The following ANOS1 variants were observed in gnomAD, a reference collection of about 807,000 sequenced individuals.
ANOS1 encodes the protein anosmin 1.
In ANOS1, 6 loss-of-function variants were observed where a neutral mutation model predicts 59.0. The ratio of observed to expected loss-of-function variants is 0.10; its 90% CI spans 0.06 to 0.20. The LOEUF (loss-of-function observed/expected upper bound fraction) is 0.20, where lower values mean the gene tolerates loss of function less well. ANOS1 is among the 10% of genes least tolerant of loss of function. The pLI is 1.00. For synonymous variants in ANOS1, 217 were observed against 223.4 expected (o/e 0.97, Z 0.25); for missense variants, 433 against 542.3 (o/e 0.80, Z 2.00).
rs540862934 is a variant in ANOS1, at chrX:8,656,140, C to G, written c.256-32470G>C. ...AATTTTTATGCCTACAATATCTGACCCAGCCACTACCTGCACATCTCCACT... is the reference window on the plus strand; with the variant it reads ...AATTTTTATGCCTACAATATCTGACGCAGCCACTACCTGCACATCTCCACT... On this transcript the variant is annotated intron_variant, in intron 2 of 13. Transcript: ENST00000262648. Among the ~76,000 whole-genome samples, 327 of 112,045 alleles carry G rather than the reference C, an allele frequency of 2.9e-3. 1 individual carries two copies. Among genetic ancestry groups the G allele is most frequent in the Middle Eastern group, 0.023 (5 of 219 alleles).
At chrX:8,649,958 T>G (rs1487793475) in intron 2 of ANOS1, among the ~76,000 whole-genome samples, 1 of 112,904 alleles carries the variant, frequency 8.9e-6, no homozygotes, top group African/African-American at 3.2e-5. Context: ...TAACCTATTT[T>G]CTTTTTGTTA....
At chrX:8,558,698 A>G (rs1242766081) in intron 8 of ANOS1, among the ~76,000 whole-genome samples, 3 of 111,739 alleles carry the variant, frequency 2.7e-5, no homozygotes, top group Admixed American at 1.9e-4. Flanking sequence ...AGCATTATAC[A>G]TCAATACTTG....
chrX:8,709,670 T>C (rs1261823081), intron 1 of ANOS1, among the ~76,000 whole-genome samples: 1 of 112,010 alleles, frequency 8.9e-6, no homozygotes, highest in African/African-American at 3.2e-5. Flanking sequence ...ACTAGAAGTG[T>C]TTTGAAGCCT....
chrX:8,627,689 A>G (rs1257723911), intron 2 of ANOS1, among the ~76,000 whole-genome samples: 1 of 111,060 alleles, frequency 9.0e-6, no homozygotes. Context: ...TTGCAGGATA[A>G]GTTTGCCAAA....
chrX:8,610,325 C>A (rs1295010103), intron 3 of ANOS1, among the ~76,000 whole-genome samples: 1 of 111,575 alleles, frequency 9.0e-6, no homozygotes, highest in Non-Finnish European at 1.9e-5. Context: ...GACAAGAAAA[C>A]CTATAAGGAC....
At chrX:8,665,978 G>A (rs781232412) in intron 2 of ANOS1, among the ~76,000 whole-genome samples, 118 of 111,359 alleles carry the variant, frequency 1.1e-3, no homozygotes, top group African/African-American at 3.5e-3. Context: ...GAGGCAGGAG[G>A]ATTGCTTGAC....
At chrX:8,689,077 C>G (rs756936313) in intron 2 of ANOS1, among the ~76,000 whole-genome samples, 38 of 111,517 alleles carry the variant, frequency 3.4e-4, no homozygotes, top group Non-Finnish European at 7.2e-4. Context: ...TTGTTTAAAT[C>G]ATTAACTCAT....
At chrX:8,667,433 T>C (rs999930477) in intron 2 of ANOS1, among the ~76,000 whole-genome samples, 1 of 111,116 alleles carries the variant, frequency 9.0e-6, no homozygotes, top group African/African-American at 3.3e-5. Context: ...GTACCCGGAA[T>C]TAAAGGTGTG....
intron 2 of ANOS1, among the ~76,000 whole-genome samples, chrX:8,659,693 A>G (rs12854778): frequency 9.5e-6 from 1 of 104,800 alleles, no homozygotes; most frequent in African/African-American, 3.5e-5. Context: ...CAGTGGTGCA[A>G]TCTTGGCTCA....
intron 9 of ANOS1, among the ~76,000 whole-genome samples, chrX:8,552,685 T>C (rs1929875216): frequency 9.0e-6 from 1 of 111,605 alleles, no homozygotes; most frequent in Non-Finnish European, 1.9e-5. Context: ...TTTTCAATAG[T>C]AGATGTTTAC....
intron 1 of ANOS1, among the ~76,000 whole-genome samples, chrX:8,716,423 C>T (rs1470461848): frequency 2.7e-5 from 3 of 112,199 alleles, no homozygotes; most frequent in Non-Finnish European, 5.6e-5. Context: ...CTTTTGTGGT[C>T]ATCTCAGGGC....
chrX:8,555,462 A>G (rs761078778), intron 8 of ANOS1, among the ~76,000 whole-genome samples: 3 of 111,776 alleles, frequency 2.7e-5, no homozygotes, highest in Non-Finnish European at 5.6e-5. Flanking sequence ...GAAAACATTA[A>G]CAAAACAGAT....
chrX:8,716,267 T>C, intron 1 of ANOS1, among the ~76,000 whole-genome samples: 1 of 112,218 alleles, frequency 8.9e-6, no homozygotes, highest in Non-Finnish European at 1.9e-5. Context: ...TATATGATCA[T>C]GCTCACATGC....
chrX:8,676,651 T>A (rs1932342569), intron 2 of ANOS1, among the ~76,000 whole-genome samples: 1 of 112,251 alleles, frequency 8.9e-6, no homozygotes, highest in Non-Finnish European at 1.9e-5. Context: ...CTTTTTTAAA[T>A]ATATTCATTT....
rs1273010596 is a variant in ANOS1, at chrX:8,539,213, G to T, written c.1449+451C>A. Among the ~76,000 whole-genome samples, 5 of 110,391 alleles carry T rather than the reference G, an allele frequency of 4.5e-5. No individual in the cohort carries two copies. In the East Asian group the frequency reaches 1.4e-3, roughly 31 times the overall value. On this transcript the variant is annotated intron_variant, in intron 10 of 13. Coordinates refer to ENST00000262648, the MANE Select transcript of ANOS1 (RefSeq NM_000216.4). ...TGGTGCATGCTATACAGGACAGGGA[G>T]ATTATTTCACTAACTGAGCTGATGG...
chrX:8,669,230 G>A (rs1932215572), intron 2 of ANOS1, among the ~76,000 whole-genome samples: 2 of 111,884 alleles, frequency 1.8e-5, no homozygotes, highest in Non-Finnish European at 3.8e-5. Flanking sequence ...TGTGGAATGG[G>A]AGAAGGATGA....
At chrX:8,576,479 C>CACACACACACAT (rs1484567911) in intron 6 of ANOS1, among the ~76,000 whole-genome samples, 1 of 101,538 alleles carries the variant, frequency 9.8e-6, no homozygotes, top group Admixed American at 1.1e-4. Context: ...CACACACACA[C>CACACACACACAT]ACACACACAC....
intron 2 of ANOS1, among the ~76,000 whole-genome samples, chrX:8,634,699 A>C (rs772589032): frequency 2.7e-5 from 3 of 112,401 alleles, no homozygotes; most frequent in African/African-American, 9.7e-5. Flanking sequence ...AGTTAAAATA[A>C]AAAATAAATT....
intron 4 of ANOS1, among the ~76,000 whole-genome samples, chrX:8,589,850 G>A (rs1930584929): frequency 8.9e-6 from 1 of 112,195 alleles, no homozygotes; most frequent in African/African-American, 3.2e-5. Context: ...CTTCTCCTGG[G>A]ATATCTATCT....
Sources: gnomAD v4.1 joint callset for allele counts (sites outside exome capture counted in the v4.1 genomes callset) on GRCh38, gnomAD v4.1.1 for gene constraint, MANE v1.5 for transcripts, NCBI Gene and HGNC (gene_info 2026-07-23, HGNC 2026-07-21) for gene names.